APP: variants seen among roughly 807,000 people sequenced by gnomAD.
APP encodes the protein amyloid beta precursor protein, also known as amyloid-beta precursor protein.
APP carries 31 observed loss-of-function variants against 101.4 expected under a neutral mutation model. That is an observed-to-expected ratio of 0.31 (90% CI 0.23 to 0.41). The LOEUF is 0.41. Ranked by LOEUF, APP falls within the 10% of genes least tolerant of loss-of-function variation. APP has a pLI of 1.00. For missense variants in APP, 839 were observed against 1,003.7 expected, an observed-to-expected ratio of 0.84 and a Z score of 2.22; for synonymous variants, 366 against 364.4, an observed-to-expected ratio of 1.00 and a Z score of -0.05.
At chr21:26,117,142 C>T (rs559136210) in intron 1 of APP, among the ~76,000 whole-genome samples, 2 of 152,184 alleles carry the variant, frequency 1.3e-5, no homozygotes, top group Non-Finnish European at 2.9e-5. Flanking sequence ...CCTCGGCCTC[C>T]CAAAATGTTG....
At chr21:25,955,539 G>C in intron 12 of APP, 88 bp downstream of exon 12, 1 of 1,592,576 alleles carries the variant, frequency 6.3e-7, no homozygotes, top group Admixed American at 1.7e-5. Flanking sequence ...ATAGGTGCTC[G>C]GAGAATGCGT....
At chr21:25,905,959 T>G (rs2409153) in intron 14 of APP, among the ~76,000 whole-genome samples, 152,328 of 152,328 alleles carry the variant, frequency 1, 76,164 homozygotes, top group Non-Finnish European at 1. Flanking sequence ...GCCACGGAGG[T>G]AGGTGCAGGG....
chr21:25,947,194 C>A (rs962503990), intron 13 of APP, among the ~76,000 whole-genome samples: 1 of 152,148 alleles, frequency 6.6e-6, no homozygotes, highest in Non-Finnish European at 1.5e-5. Context: ...GACATATGCA[C>A]TATATTTACA....
intron 6 of APP, among the ~76,000 whole-genome samples, chr21:26,004,275 C>CTTTTTTTT (rs71183538): frequency 1.4e-5 from 1 of 72,794 alleles, no homozygotes; most frequent in Non-Finnish European, 2.4e-5. Flanking sequence ...TGTATTAATT[C>CTTTTTTTT]TTTTTTTTTT....
intron 6 of APP, among the ~76,000 whole-genome samples, chr21:26,012,295 G>T (rs2043843230): frequency 6.6e-6 from 1 of 151,868 alleles, no homozygotes; most frequent in South Asian, 2.1e-4. Context: ...TACCATGCCT[G>T]GCCTGTAAAC....
chr21:25,915,761 C>T (rs2039319029), intron 13 of APP, among the ~76,000 whole-genome samples: 1 of 152,246 alleles, frequency 6.6e-6, no homozygotes, highest in South Asian at 2.1e-4. Context: ...TACACTTGTA[C>T]TTCACAGAAC....
chr21:26,098,341 G>A (rs2061991718), intron 2 of APP, among the ~76,000 whole-genome samples: 1 of 151,840 alleles, frequency 6.6e-6, no homozygotes, highest in African/African-American at 2.4e-5. Context: ...ATCTCTCCAA[G>A]TTGGAAATAT....
intron 17 of APP, among the ~76,000 whole-genome samples, chr21:25,888,750 A>G (rs1243321655): frequency 1.3e-5 from 2 of 149,358 alleles, no homozygotes; most frequent in African/African-American, 5.0e-5. Context: ...AAGTCCAATG[A>G]GACACTGCTT....
intron 8 of APP, among the ~76,000 whole-genome samples, chr21:25,985,338 G>GGA (rs2042597259): frequency 6.6e-6 from 1 of 152,166 alleles, no homozygotes; most frequent in Non-Finnish European, 1.5e-5. Flanking sequence ...GGGTGCTTCT[G>GGA]GATGAGATTA....
At chr21:25,899,920 GAC>G (rs754855813) in intron 15 of APP, among the ~76,000 whole-genome samples, 1 of 152,088 alleles carries the variant, frequency 6.6e-6, no homozygotes, top group Non-Finnish European at 1.5e-5. Flanking sequence ...ATGGAAGTGG[GAC>G]AGTTTCCCTT....
intron 6 of APP, among the ~76,000 whole-genome samples, chr21:26,009,355 C>G (rs1052742751): frequency 4.6e-5 from 7 of 152,090 alleles, no homozygotes; most frequent in African/African-American, 1.7e-4. Context: ...CTATCTCAAG[C>G]AACATTAAAA....
intron 1 of APP, among the ~76,000 whole-genome samples, chr21:26,152,794 A>G (rs1475531000): frequency 6.6e-6 from 1 of 152,224 alleles, no homozygotes; most frequent in Non-Finnish European, 1.5e-5. Context: ...AATACTGGGT[A>G]TCTACCCGGA....
chr21:26,054,620 GTTTTTTTTTTT>G (rs369608335), intron 3 of APP, among the ~76,000 whole-genome samples: 5 of 107,994 alleles, frequency 4.6e-5, no homozygotes, highest in African/African-American at 1.7e-4. Context: ...TAGGCCAAAA[GTTTTTTTTTTT>G]TTTTTTTTTT....
At chr21:26,134,087 A>C (rs1308543995) in intron 1 of APP, among the ~76,000 whole-genome samples, 1 of 152,174 alleles carries the variant, frequency 6.6e-6, no homozygotes, top group African/African-American at 2.4e-5. Flanking sequence ...CCTGGACTCA[A>C]GCGATCTTCC....
At chr21:26,092,050 C>T (rs1253102849) in intron 2 of APP, among the ~76,000 whole-genome samples, 1 of 152,178 alleles carries the variant, frequency 6.6e-6, no homozygotes, top group Non-Finnish European at 1.5e-5. Context: ...GAATTTACTG[C>T]TTCCATTTTA....
At chr21:26,067,683 C>G (rs1302486389) in intron 3 of APP, among the ~76,000 whole-genome samples, 2 of 152,146 alleles carry the variant, frequency 1.3e-5, no homozygotes, top group African/African-American at 4.8e-5. Flanking sequence ...TTGCAGTTCT[C>G]ATATCATAAA....
chr21:26,028,913 C>T (rs1310454346), intron 5 of APP, among the ~76,000 whole-genome samples: 1 of 151,976 alleles, frequency 6.6e-6, no homozygotes, highest in African/African-American at 2.4e-5. Flanking sequence ...AGATGTGTGC[C>T]AGGGATGGGT....
At chr21:26,090,418 G>A (rs1398464947) in intron 2 of APP, among the ~76,000 whole-genome samples, 1 of 152,118 alleles carries the variant, frequency 6.6e-6, no homozygotes, top group Non-Finnish European at 1.5e-5. Flanking sequence ...TCCACTAAGA[G>A]TCAAGCCTGC....
intron 14 of APP, among the ~76,000 whole-genome samples, chr21:25,911,234 A>G (rs2039055041): frequency 1.3e-5 from 2 of 152,240 alleles, no homozygotes; most frequent in Admixed American, 6.5e-5. Flanking sequence ...ATAATGTACC[A>G]TTTTATATTA....
Sources: allele counts gnomAD v4.1 joint callset (sites outside exome capture counted in the v4.1 genomes callset), GRCh38; gene constraint gnomAD v4.1.1; transcripts MANE v1.5; gene names NCBI Gene and HGNC (gene_info 2026-07-23, HGNC 2026-07-21).